Variants in KIF5C observed in about 807,000 individuals in gnomAD.
The protein encoded by KIF5C is kinesin family member 5C.
KIF5C carries 18 observed loss-of-function variants against 125.2 expected under a neutral mutation model. The observed-to-expected ratio is 0.14, with a 90% CI of 0.10 to 0.21. The LOEUF is 0.21. KIF5C is among the 10% of genes least tolerant of loss of function. The pLI, the probability that KIF5C is intolerant of heterozygous loss-of-function variation, is 1.00. For missense variants in KIF5C, 780 were observed against 1,183.8 expected (o/e 0.66, Z 5.01); for synonymous variants, 405 against 434.0 (o/e 0.93, Z 0.83).
At chr2:148,935,007 T>C (rs1166597360) in intron 3 of KIF5C, 1 of 348,398 alleles carries the variant, frequency 2.9e-6, no homozygotes. Flanking sequence ...TTACCACTCT[T>C]GGGCATCTGA....
At chr2:148,893,217 G>A (rs1218662380) in intron 1 of KIF5C, among the ~76,000 whole-genome samples, 1 of 150,428 alleles carries the variant, frequency 6.6e-6, no homozygotes, top group Admixed American at 6.7e-5. Context: ...ACAATTCCCT[G>A]TTTCCTTTCT....
intron 1 of KIF5C, among the ~76,000 whole-genome samples, chr2:148,913,779 A>G (rs574969253): frequency 6.6e-6 from 1 of 152,292 alleles, no homozygotes; most frequent in East Asian, 1.9e-4. Flanking sequence ...GCTCAGTGCT[A>G]TCCTTGTTAT....
chr2:148,877,410 C>T (rs1574680213), intron 1 of KIF5C: 1 of 152,316 alleles, frequency 6.6e-6, no homozygotes, highest in African/African-American at 2.4e-5. Flanking sequence ...ATATAAGCTA[C>T]GATTATTGAT....
intron 13 of KIF5C, among the ~76,000 whole-genome samples, chr2:148,980,245 C>CT (rs1681195429): frequency 6.6e-6 from 1 of 152,284 alleles, no homozygotes; most frequent in Non-Finnish European, 1.5e-5. Context: ...TCTCTCTTAG[C>CT]TATAGTCGAG....
At chr2:148,934,054 G>A (rs1314287866) in intron 3 of KIF5C, among the ~76,000 whole-genome samples, 1 of 146,026 alleles carries the variant, frequency 6.8e-6, no homozygotes, top group Non-Finnish European at 1.5e-5. Flanking sequence ...ACCACACATG[G>A]CCCTCACATA....
intron 23 of KIF5C, 123 bp from the exon 24 acceptor site, chr2:149,010,012 G>C: frequency 7.1e-7 from 1 of 1,400,922 alleles, no homozygotes; most frequent in South Asian, 1.5e-5. Flanking sequence ...GTGGTTGTAC[G>C]GAGTGCCAAG....
At chr2:148,888,118 G>A (rs1036528101) in intron 1 of KIF5C, among the ~76,000 whole-genome samples, 2 of 152,208 alleles carry the variant, frequency 1.3e-5, no homozygotes, top group African/African-American at 2.4e-5. Flanking sequence ...TCTCTGAGAG[G>A]TGGCATGCTG....
intron 1 of KIF5C, among the ~76,000 whole-genome samples, chr2:148,912,384 T>G (rs1339545540): frequency 6.6e-6 from 1 of 152,252 alleles, no homozygotes; most frequent in East Asian, 1.9e-4. Flanking sequence ...TTTTTAAAGA[T>G]TTTTGGCTTA....
Position 148,942,007 on chromosome 2 carries a change from A to G in KIF5C, c.501+17A>G. 1 of 1,608,226 alleles carries G rather than the reference A, an allele frequency of 6.2e-7. No individual in the cohort carries two copies. The highest frequency in any genetic ancestry group is 1.3e-5 in the African/African-American group (1 of 74,816). On this transcript the variant is annotated intron_variant, in intron 6 of 25. Transcript: ENST00000435030. Reference sequence around the variant, plus strand: ...TATGTAAAGGTATGAGGAAGATTTGATTGGTGATGCAATTAATTTCTCTCC... The same window carrying G: ...TATGTAAAGGTATGAGGAAGATTTGGTTGGTGATGCAATTAATTTCTCTCC...
In KIF5C at chr2:148,875,574, G is replaced by T; in HGVS notation, c.-44G>T. ...CTCCTCCCTCGTCGTTCCCGGCCCC[G>T]GCCCCCCACCCATCCCCGTGCCCCC... On this transcript the variant is annotated 5_prime_UTR_variant, in exon 1 of 26. Transcript: ENST00000435030. The T allele has an allele frequency of 2.0e-6, 1 of 495,094 alleles. No homozygotes were observed. Among genetic ancestry groups the T allele is most frequent in the Non-Finnish European group, 3.8e-6 (1 of 262,122 alleles). The allele number at this position is 495,094 out of a possible 1,614,324, so 30.7% of individuals were successfully genotyped here. A position where few individuals can be genotyped will look rare whatever the true frequency, so the allele number is the denominator to read the frequency against.
chr2:148,912,756 A>G lies in KIF5C; in HGVS notation c.127-9381A>G, dbSNP rs549995778. ...GAGCTGTTGCACCTGGCCTGTATAT[A>G]TATTTTAGTGCTTCAAGTACTTCAT... is the stretch of plus-strand genomic sequence containing the variant. On this transcript the variant is annotated intron_variant, in intron 1 of 25. Transcript: ENST00000435030. 2.2e-3 allele frequency among the ~76,000 whole-genome samples: 342 copies of G among 152,274 alleles called. 3 individuals carry two copies. Among genetic ancestry groups the G allele is most frequent in the Non-Finnish European group, 1.7e-3 (115 of 68,022 alleles).
chr2:149,010,482 C>A, intron 24 of KIF5C, 131 bp downstream of exon 24: 1 of 1,422,762 alleles, frequency 7.0e-7, no homozygotes, highest in Non-Finnish European at 9.2e-7. Context: ...GCCCGCAGGA[C>A]GCAGCCCTCA....
At chr2:148,947,862 T>G (rs1682555448) in intron 8 of KIF5C, 1 of 456,632 alleles carries the variant, frequency 2.2e-6, no homozygotes, top group South Asian at 1.5e-5. Context: ...AAGGCCAGCC[T>G]TGAAGCTTGG....
At chr2:148,922,534 C>T (rs561324724) in intron 2 of KIF5C, among the ~76,000 whole-genome samples, 3 of 152,298 alleles carry the variant, frequency 2.0e-5, no homozygotes, top group African/African-American at 7.2e-5. Context: ...TTTTAAAACA[C>T]TGGCTGCAGG....
At chr2:148,949,306 AT>A (rs1682601103) in intron 8 of KIF5C, among the ~76,000 whole-genome samples, 1 of 151,980 alleles carries the variant, frequency 6.6e-6, no homozygotes. Flanking sequence ...CTTTTTGGAT[AT>A]TTTTCATTTT....
At chr2:148,893,844 A>C (rs1261563060) in intron 1 of KIF5C, among the ~76,000 whole-genome samples, 1 of 152,232 alleles carries the variant, frequency 6.6e-6, no homozygotes, top group African/African-American at 2.4e-5. Flanking sequence ...TATCGCTTCC[A>C]CCTGAGGACT....
At chr2:148,943,745 A>G (rs1643309426) in intron 7 of KIF5C, among the ~76,000 whole-genome samples, 3 of 152,332 alleles carry the variant, frequency 2.0e-5, no homozygotes, top group Middle Eastern at 3.4e-3. Flanking sequence ...AGATTCAGGC[A>G]TTGGTTTCCT....
chr2:148,949,827 T>C lies in KIF5C; in HGVS notation c.715-12T>C, dbSNP rs1682616388. ...TCCTGTGCTGCTCACTGCTTTCTTT[T>C]CTCTCTGGTAGGTCAGCAAAACTGG... On this transcript the variant is annotated splice_polypyrimidine_tract_variant and intron_variant, in intron 8 of 25. Coordinates refer to ENST00000435030, the MANE Select transcript of KIF5C (RefSeq NM_004522.3). 1 of 1,613,212 alleles carries C rather than the reference T, an allele frequency of 6.2e-7. No individual in the cohort carries two copies. The highest frequency in any genetic ancestry group is 8.5e-7 in the Non-Finnish European group (1 of 1,179,558).
chr2:148,947,878 CT>C (rs1682556199), intron 8 of KIF5C: 1 of 456,570 alleles, frequency 2.2e-6, no homozygotes, highest in African/African-American at 2.0e-5. Flanking sequence ...CTTGGTCAGT[CT>C]CCCTAACTGT....
Sources: allele counts gnomAD v4.1 joint callset (sites outside exome capture counted in the v4.1 genomes callset), GRCh38; gene constraint gnomAD v4.1.1; transcripts MANE v1.5; gene names NCBI Gene and HGNC (gene_info 2026-07-23, HGNC 2026-07-21).